Variants in RSPH3 observed in about 807,000 individuals in gnomAD.
The protein encoded by RSPH3 is radial spoke head 3.
In RSPH3, 21 loss-of-function variants were observed where a neutral mutation model predicts 43.8. The ratio of observed to expected loss-of-function variants is 0.48; its 90% CI spans 0.34 to 0.69. RSPH3 has a LOEUF of 0.69. Among genes scored for constraint, RSPH3 ranks in the 30% least tolerant of loss-of-function variants. The pLI is 0.01. For missense variants in RSPH3, 487 were observed against 516.0 expected, an observed-to-expected ratio of 0.94 and a Z score of 0.54; for synonymous variants, 173 against 179.8, an observed-to-expected ratio of 0.96 and a Z score of 0.30.
Position 158,999,974 on chromosome 6 carries a change from C to T in RSPH3, c.-424G>A, listed in dbSNP as rs1403123051. 5 of 1,590,808 alleles carry T rather than the reference C, an allele frequency of 3.1e-6. No individual in the cohort carries two copies. Among genetic ancestry groups the T allele is most frequent in the Non-Finnish European group, 4.3e-6 (5 of 1,167,816 alleles). On this transcript the variant is annotated 5_prime_UTR_variant, in exon 1 of 8. An upstream start codon of the reference 5' UTR is lost. Coordinates refer to ENST00000367069, the MANE Select transcript of RSPH3 (RefSeq NM_031924.8). ...AGGCGGCCTTGGCTGGCTTGACCGT[C>T]ATCCTTGAGGCCTGCGGGGCAACGG...
Position 158,983,811 on chromosome 6 carries a change from A to C in RSPH3, c.347-4T>G. ...GCAATTTCTTCAAGGTATAATTCTAAGAAGAATATCATATATATCGAGTTT... is the reference window on the plus strand; with the variant it reads ...GCAATTTCTTCAAGGTATAATTCTACGAAGAATATCATATATATCGAGTTT... On this transcript the variant is annotated splice_polypyrimidine_tract_variant and splice_region_variant and intron_variant, in intron 3 of 7. Coordinates refer to ENST00000367069, the MANE Select transcript of RSPH3 (RefSeq NM_031924.8). 1 of 1,584,992 alleles carries C rather than the reference A, an allele frequency of 6.3e-7. No homozygotes were observed. Among genetic ancestry groups the C allele is most frequent in the Non-Finnish European group, 8.7e-7 (1 of 1,153,738 alleles).
the RSPH3 span, among the ~76,000 whole-genome samples, chr6:158,965,908 G>A: frequency 1.3e-5 from 2 of 152,064 alleles, no homozygotes; most frequent in Admixed American, 6.6e-5. Context: ...GCCTTGTACA[G>A]GATTGAGGAA....
intron 2 of RSPH3, chr6:158,988,156 ATT>A (rs56966226): frequency 6.6e-6 from 1 of 151,674 alleles, no homozygotes; most frequent in South Asian, 2.1e-4. Flanking sequence ...TTGTTACATG[ATT>A]TTTTTTCTTT....
At chr6:158,999,248 C>A (rs1233241745) in intron 1 of RSPH3, among the ~76,000 whole-genome samples, 187 bp downstream of exon 1, 1 of 146,928 alleles carries the variant, frequency 6.8e-6, no homozygotes, top group Non-Finnish European at 1.5e-5. Context: ...TGATGCCCAA[C>A]CCATGCCCCT....
Position 158,982,568 on chromosome 6 carries a change from G to A in RSPH3, c.613C>T (p.Arg205Cys), listed in dbSNP as rs2128606645. ...CTATTCCGTAGTTCTTCATACTCAC[G>A]CTGACTGGCCCGCAGGTTAGCCAGC... Reference protein sequence around the residue: ...EELANLRASQREYEELRNSER... With the variant: ...EELANLRASQCEYEELRNSER... Residue 205 changes from arginine to cysteine, a missense_variant, in exon 5 of 8, where the codon CGT (arginine) becomes TGT (cysteine). Transcript: ENST00000367069. 1.9e-6 allele frequency: 3 copies of A among 1,613,344 alleles called. No individual in the cohort carries two copies. The highest frequency in any genetic ancestry group is 2.5e-6 in the Non-Finnish European group (3 of 1,179,862).
At chr6:158,968,669 T>C (rs1334543825), downstream of RSPH3, among the ~76,000 whole-genome samples, 2 of 152,194 alleles carry the variant, frequency 1.3e-5, no homozygotes, top group Admixed American at 6.5e-5. Flanking sequence ...TTTTCTCTAG[T>C]ATTATTCTGT....
At chr6:158,990,707 G>A (rs1348900711) in intron 2 of RSPH3, 1 of 151,412 alleles carries the variant, frequency 6.6e-6, no homozygotes, top group Non-Finnish European at 1.5e-5. Context: ...GATTTCTTTG[G>A]GTTTATCCTC....
chr6:158,986,491 A>G, intron 2 of RSPH3, 70 bp from the exon 3 acceptor site: 3 of 1,309,400 alleles, frequency 2.3e-6, no homozygotes, highest in South Asian at 1.4e-5. Flanking sequence ...CTGCCATTCC[A>G]AAAGCAATTC....
At position 158,999,971 on chromosome 6, in the gene RSPH3, C is replaced by A; in HGVS notation, c.-421G>T. 1.9e-6 allele frequency: 3 copies of A among 1,592,556 alleles called. No homozygotes were observed. The highest frequency in any genetic ancestry group is 2.3e-5 in the South Asian group (2 of 87,844). ...GGGAGGCGGCCTTGGCTGGCTTGAC[C>A]GTCATCCTTGAGGCCTGCGGGGCAA... On this transcript the variant is annotated 5_prime_UTR_variant, in exon 1 of 8. Transcript: ENST00000367069.
chr6:158,970,114 A>C (rs1019599131), downstream of RSPH3, among the ~76,000 whole-genome samples: 1 of 152,108 alleles, frequency 6.6e-6, no homozygotes, highest in African/African-American at 2.4e-5. Flanking sequence ...AACACTTTAA[A>C]TAATTATAAT....
Position 158,975,398 on chromosome 6 carries a change from T to C in RSPH3, c.*2140A>G, listed in dbSNP as rs1283024317. 1.3e-5 allele frequency: 2 copies of C among 152,200 alleles called. No homozygotes were observed. The highest frequency in any genetic ancestry group is 2.4e-5 in the African/African-American group (1 of 41,448). 9.4% of individuals were successfully genotyped at this position (152,200 alleles called of 1,614,324 possible). ...CTTTGTACCTCACAAAAACAGCAAG[T>C]TATTAGAAGAAAGTATACCAGATTA... On this transcript the variant is annotated 3_prime_UTR_variant, in exon 8 of 8. Transcript: ENST00000367069.
chr6:158,982,316 T>C (rs1334444066), intron 5 of RSPH3, among the ~76,000 whole-genome samples, 169 bp downstream of exon 5: 1 of 152,204 alleles, frequency 6.6e-6, no homozygotes, highest in East Asian at 1.9e-4. Flanking sequence ...ATTCCGTCCA[T>C]GAAAGATCTA....
downstream of RSPH3, among the ~76,000 whole-genome samples, chr6:158,970,898 CT>C (rs1369265261): frequency 6.6e-6 from 1 of 152,110 alleles, no homozygotes; most frequent in Admixed American, 6.6e-5. Flanking sequence ...ACTCTCAAGA[CT>C]TTCAATTTTT....
At position 158,977,107 on chromosome 6, in the gene RSPH3, C is replaced by T. The variant is rs1264380171; in HGVS notation, c.*431G>A. ...GGGATTACAGGTGTGAGCCACCACG[C>T]CTGGCTAGGCATTCACTCTTACAGT... On this transcript the variant is annotated 3_prime_UTR_variant, in exon 8 of 8. Transcript: ENST00000367069. 2 of 157,850 alleles carry T rather than the reference C, an allele frequency of 1.3e-5. No homozygotes were observed. Among genetic ancestry groups the T allele is most frequent in the Non-Finnish European group, 2.8e-5 (2 of 71,972 alleles). 9.8% of individuals were successfully genotyped at this position (157,850 alleles called of 1,614,324 possible).
chr6:158,967,851 A>C, the RSPH3 span, among the ~76,000 whole-genome samples: 2 of 152,042 alleles, frequency 1.3e-5, no homozygotes, highest in African/African-American at 2.4e-5. Context: ...AACTATTTTT[A>C]TCTTAAAGTC....
chr6:158,992,592 C>A (rs968034284), intron 2 of RSPH3, among the ~76,000 whole-genome samples: 1 of 151,960 alleles, frequency 6.6e-6, no homozygotes, highest in Non-Finnish European at 1.5e-5. Flanking sequence ...CCACGCCTGG[C>A]CTCTGAGCAT....
chr6:158,991,028 T>A (rs1201786397), intron 2 of RSPH3, among the ~76,000 whole-genome samples: 1 of 152,198 alleles, frequency 6.6e-6, no homozygotes, highest in African/African-American at 2.4e-5. Flanking sequence ...TTATTTTAGT[T>A]ATTGTATTTT....
At chr6:158,982,818 G>T in intron 4 of RSPH3, 130 bp from the exon 5 acceptor site, 1 of 612,968 alleles carries the variant, frequency 1.6e-6, no homozygotes, top group Non-Finnish European at 2.8e-6. Flanking sequence ...CTGTGCTGGT[G>T]CTTTATTCAT....
In RSPH3 at chr6:158,978,329, GAA is replaced by G; in HGVS notation, c.875_876del (p.Phe292SerfsTer7). On this transcript the variant is annotated frameshift_variant, in exon 7 of 8. Coordinates refer to ENST00000367069, the MANE Select transcript of RSPH3 (RefSeq NM_031924.8). LOFTEE classifies it high-confidence loss of function. Reference protein sequence around the residue: ...DPIERDIEIGFLPWLMNEVEK... With the variant: ...DPIERDIEIGXLPWLMNEVEK... ...TCAACTTCATTCATTAGCCATGGAA[GAA>G]ATCCTATCTCAATATCTGTAATAAA... is the stretch of plus-strand genomic sequence containing the variant. 6.6e-7 allele frequency: 1 copy of G among 1,513,738 alleles called. No homozygotes were observed. Among genetic ancestry groups the G allele is most frequent in the Non-Finnish European group, 9.2e-7 (1 of 1,091,776 alleles). 93.8% of individuals were successfully genotyped at this position (1,513,738 alleles called of 1,614,324 possible).
Sources: allele counts gnomAD v4.1 joint callset (sites outside exome capture counted in the v4.1 genomes callset), GRCh38; gene constraint gnomAD v4.1.1; transcripts MANE v1.5; gene names NCBI Gene and HGNC (gene_info 2026-07-23, HGNC 2026-07-21).